The following CHKA variants were observed in gnomAD, a reference collection of about 807,000 sequenced individuals.
CHKA encodes CHETK-alpha.
In CHKA, 34 loss-of-function variants were observed where a neutral mutation model predicts 60.1. That is an observed-to-expected ratio of 0.57 (90% CI 0.43 to 0.75). CHKA has a LOEUF of 0.75. CHKA is among the 30% of genes least tolerant of loss of function. The pLI is 0.00. For synonymous variants in CHKA, 217 were observed against 223.1 expected (o/e 0.97, Z 0.24); for missense variants, 563 against 561.3 (o/e 1.00, Z -0.03).
At chr11:68,067,834 A>AT (rs1856493170) in intron 7 of CHKA, among the ~76,000 whole-genome samples, 1 of 152,228 alleles carries the variant, frequency 6.6e-6, no homozygotes, top group South Asian at 2.1e-4. Flanking sequence ...TGAGCAGCTA[A>AT]TTAGTAAAAG....
chr11:68,059,938 T>G (rs1167069592), intron 11 of CHKA, among the ~76,000 whole-genome samples: 1 of 152,192 alleles, frequency 6.6e-6, no homozygotes, highest in Non-Finnish European at 1.5e-5. Context: ...CTTCTGCGTG[T>G]GTTCCTCCTT....
At chr11:68,113,081 CAAAA>C (rs71040587) in intron 1 of CHKA, among the ~76,000 whole-genome samples, 1 of 14,532 alleles carries the variant, frequency 6.9e-5, no homozygotes, top group Non-Finnish European at 1.4e-4. Flanking sequence ...GACTCCGTCT[CAAAA>C]AAAAAAAAAA....
chr11:68,076,473 G>A (rs1337808412), intron 3 of CHKA, among the ~76,000 whole-genome samples: 1 of 152,092 alleles, frequency 6.6e-6, no homozygotes, highest in Non-Finnish European at 1.5e-5. Flanking sequence ...TTAAGCAAGG[G>A]TCTGCAAAGC....
At chr11:68,058,819 T>C (rs1423814675) in intron 11 of CHKA, among the ~76,000 whole-genome samples, 1 of 152,230 alleles carries the variant, frequency 6.6e-6, no homozygotes, top group African/African-American at 2.4e-5. Context: ...ACAGGCGTCC[T>C]TGCATGTTCT....
chr11:68,103,619 A>AG (rs1413910403), intron 1 of CHKA, among the ~76,000 whole-genome samples: 1 of 152,136 alleles, frequency 6.6e-6, no homozygotes, highest in Non-Finnish European at 1.5e-5. Flanking sequence ...AGTTTAAAAA[A>AG]AAAAAATCCA....
intron 1 of CHKA, among the ~76,000 whole-genome samples, chr11:68,118,138 C>T (rs973353731): frequency 1.3e-5 from 2 of 152,136 alleles, no homozygotes; most frequent in East Asian, 1.9e-4. Context: ...CAGTGAAACA[C>T]GGAGCTCCAG....
rs1340587719 is a variant in CHKA at position 68,054,174 on chromosome 11, C to A, written c.1315-127G>T. ...GACCCATGAGACCAAAAGCACAGGA[C>A]TGGCCTGTGCAGCAGGGCTGCTCGG... On this transcript the variant is annotated intron_variant, in intron 11 of 11. Transcript: ENST00000265689. 3 of 754,504 alleles carry A rather than the reference C, an allele frequency of 4.0e-6. No individual in the cohort carries two copies. The Admixed American group carries it at 6.9e-5, about 17-fold the overall frequency. 46.7% of individuals were successfully genotyped at this position (754,504 alleles called of 1,614,324 possible). A position where few individuals can be genotyped will look rare whatever the true frequency, so the allele number is the denominator to read the frequency against.
At position 68,118,161 on chromosome 11, in the gene CHKA, G is replaced by A. The variant is rs112286482; in HGVS notation, c.350+2667C>T. On this transcript the variant is annotated intron_variant, in intron 1 of 11. Coordinates refer to ENST00000265689, the MANE Select transcript of CHKA (RefSeq NM_001277.3). ...CACGGAGCTCCAGAAACGGATCGGG[G>A]CCAGGTATGGTGGCTCAGGTCTAAA... 6.7e-3 allele frequency among the ~76,000 whole-genome samples: 1,015 copies of A among 152,304 alleles called. 17 individuals carry two copies. Among genetic ancestry groups the A allele is most frequent in the African/African-American group, 0.023 (941 of 41,558 alleles).
chr11:68,053,116 A>G lies in CHKA; in HGVS notation c.*872T>C, dbSNP rs1033888762. On this transcript the variant is annotated 3_prime_UTR_variant, in exon 12 of 12. Transcript: ENST00000265689. Reference sequence around the variant, plus strand: ...GGCCGGGAAACCGGGCCCTTGGAGAACCCTGCCCAGGGGAGGCCCAGCCTA... The same window carrying G: ...GGCCGGGAAACCGGGCCCTTGGAGAGCCCTGCCCAGGGGAGGCCCAGCCTA... 1.3e-5 allele frequency: 2 copies of G among 152,316 alleles called. No individual in the cohort carries two copies. Among genetic ancestry groups the G allele is most frequent in the African/African-American group, 4.8e-5 (2 of 41,352 alleles). The allele number at this position is 152,316 out of a possible 1,614,324, so 9.4% of individuals were successfully genotyped here.
chr11:68,070,112 A>G, intron 6 of CHKA, 77 bp downstream of exon 6: 1 of 1,047,738 alleles, frequency 9.5e-7, no homozygotes, highest in South Asian at 1.3e-5. Flanking sequence ...GACATAAGGC[A>G]AGCTCAATCA....
Position 68,070,211 on chromosome 11 carries a change from G to A in CHKA, c.847C>T (p.Pro283Ser), listed in dbSNP as rs1359461055. Residue 283 changes from proline (P) to serine (S), a missense_variant, in exon 6 of 12, where the codon CCC becomes TCC. Physicochemically the swap from Pro to Ser is moderately conservative, Grantham distance 74. Transcript: ENST00000265689. The stretch of plus-strand genomic sequence containing the variant: ...CACCTCAGGTTTTCCAGTTCCAAGG[G>A]CAGATTGTAACTGAGCAATTTGTGG... ...KLHKLLSYNL[P>S]LELENLRSLL... The A allele has an allele frequency of 1.9e-6, 3 of 1,612,920 alleles. No homozygotes were observed. The African/African-American group carries it at 4.0e-5, about 22-fold the overall frequency.
At chr11:68,091,179 C>T (rs1857336993) in intron 2 of CHKA, among the ~76,000 whole-genome samples, 1 of 152,184 alleles carries the variant, frequency 6.6e-6, no homozygotes, top group African/African-American at 2.4e-5. Flanking sequence ...TATCTCTTTC[C>T]ACAATGCAAA....
chr11:68,083,005 C>T (rs1244960358), intron 2 of CHKA, among the ~76,000 whole-genome samples: 1 of 152,188 alleles, frequency 6.6e-6, no homozygotes, highest in Non-Finnish European at 1.5e-5. Flanking sequence ...TCCCTTCACC[C>T]TAATTCCAAA....
At chr11:68,099,685 C>T (rs1040186722) in intron 1 of CHKA, among the ~76,000 whole-genome samples, 6 of 152,180 alleles carry the variant, frequency 3.9e-5, no homozygotes, top group East Asian at 1.9e-4. Flanking sequence ...CCCCCTGCCG[C>T]GTCTGGTCAC....
chr11:68,056,086 CTGAGTTA>C (rs1365090069), intron 11 of CHKA, among the ~76,000 whole-genome samples: 2 of 150,306 alleles, frequency 1.3e-5, no homozygotes, highest in Non-Finnish European at 2.9e-5. Flanking sequence ...TGGTTTCTGG[CTGAGTTA>C]TGAGTTCTTT....
intron 3 of CHKA, among the ~76,000 whole-genome samples, chr11:68,076,339 A>T (rs775165110): frequency 3.9e-5 from 6 of 152,166 alleles, no homozygotes; most frequent in Non-Finnish European, 8.8e-5. Flanking sequence ...GAAAACAAAG[A>T]TCTAGTATCT....
chr11:68,108,519 A>C (rs1590880615), intron 1 of CHKA, among the ~76,000 whole-genome samples: 1 of 152,188 alleles, frequency 6.6e-6, no homozygotes, highest in East Asian at 1.9e-4. Context: ...CCAAGGCGGG[A>C]GGATCACGAG....
chr11:68,098,890 T>TGCCATGTTG (rs58556867), intron 1 of CHKA, among the ~76,000 whole-genome samples: 133,427 of 151,622 alleles, frequency 0.88, 58,830 homozygotes, highest in South Asian at 0.91. Flanking sequence ...AACGGAGTTT[T>TGCCATGTTG]GCCAGGCTGC....
intron 3 of CHKA, among the ~76,000 whole-genome samples, chr11:68,078,718 T>G (rs1466674959): frequency 6.6e-6 from 1 of 152,124 alleles, no homozygotes; most frequent in East Asian, 1.9e-4. Flanking sequence ...CAAGCTGAAA[T>G]TGAGGAGACA....
Sources: gnomAD v4.1 joint callset for allele counts (sites outside exome capture counted in the v4.1 genomes callset) on GRCh38, gnomAD v4.1.1 for gene constraint, MANE v1.5 for transcripts, NCBI Gene and HGNC (gene_info 2026-07-23, HGNC 2026-07-21) for gene names.